Variants in GRIN2A observed in about 807,000 individuals in gnomAD.
GRIN2A encodes glutamate ionotropic receptor NMDA type subunit 2A.
In GRIN2A, 22 loss-of-function variants were observed where a neutral mutation model predicts 113.4. That is an observed-to-expected ratio of 0.19 (90% CI 0.14 to 0.28). The LOEUF (loss-of-function observed/expected upper bound fraction) is 0.28. Ranked by LOEUF, GRIN2A falls within the 10% of genes least tolerant of loss-of-function variation. The pLI is 1.00. For missense variants in GRIN2A, 1,502 were observed against 1,887.0 expected (o/e 0.80, Z 3.78); for synonymous variants, 827 against 738.4 (o/e 1.12, Z -1.94).
chr16:9,991,740 G>T (rs2046117218), intron 2 of GRIN2A, among the ~76,000 whole-genome samples: 1 of 152,182 alleles, frequency 6.6e-6, no homozygotes, highest in Non-Finnish European at 1.5e-5. Flanking sequence ...ACAAGTTCAT[G>T]TCCTTCGCAG....
chr16:9,840,813 CAAAAAAAAAAAA>C lies in GRIN2A; in HGVS notation c.1498-25_1498-14del, dbSNP rs745951746. 9 of 1,081,298 alleles carry C rather than the reference CAAAAAAAAAAAA, an allele frequency of 8.3e-6. No homozygotes were observed. Among genetic ancestry groups the C allele is most frequent in the Non-Finnish European group, 9.8e-6 (8 of 816,182 alleles). The allele number at this position is 1,081,298 out of a possible 1,614,324, so 67.0% of individuals were successfully genotyped here. A position where few individuals can be genotyped will look rare whatever the true frequency, so the allele number is the denominator to read the frequency against. On this transcript the variant is annotated splice_polypyrimidine_tract_variant and intron_variant, in intron 6 of 12. Transcript: ENST00000330684. ...GTTGATAGACCACCTGGATGCAAGGCAAAAAAAAAAAAAAAAAAAAGAGAGAGAGAGAACAAC... is the reference window on the plus strand; with the variant it reads ...GTTGATAGACCACCTGGATGCAAGGCAAAAAAAAGAGAGAGAGAGAACAAC...
chr16:10,096,237 G>A (rs921320814), intron 2 of GRIN2A, among the ~76,000 whole-genome samples: 1 of 151,966 alleles, frequency 6.6e-6, no homozygotes, highest in African/African-American at 2.4e-5. Context: ...CAGCCCCTAC[G>A]GGACTCAGAG....
At chr16:9,804,524 G>C (rs2041927694) in intron 10 of GRIN2A, among the ~76,000 whole-genome samples, 1 of 151,986 alleles carries the variant, frequency 6.6e-6, no homozygotes, top group Non-Finnish European at 1.5e-5. Flanking sequence ...TCTCCCACTG[G>C]GCAGGAGGAC....
chr16:9,885,922 A>C (rs930681241), intron 4 of GRIN2A, among the ~76,000 whole-genome samples: 1 of 152,224 alleles, frequency 6.6e-6, no homozygotes, highest in Non-Finnish European at 1.5e-5. Flanking sequence ...TTTATGGGAA[A>C]TTGCTATGTT....
At chr16:10,116,753 C>G (rs1359347009) in intron 2 of GRIN2A, among the ~76,000 whole-genome samples, 1 of 152,172 alleles carries the variant, frequency 6.6e-6, no homozygotes, top group East Asian at 1.9e-4. Context: ...TAGGACACAC[C>G]TCATTACTGT....
At chr16:9,906,413 T>A (rs2044028811) in intron 3 of GRIN2A, among the ~76,000 whole-genome samples, 1 of 152,208 alleles carries the variant, frequency 6.6e-6, no homozygotes, top group Non-Finnish European at 1.5e-5. Flanking sequence ...GTCATAGCTG[T>A]TGTTTCTGGT....
intron 2 of GRIN2A, among the ~76,000 whole-genome samples, chr16:10,160,781 T>C (rs1023445581): frequency 6.6e-6 from 1 of 152,226 alleles, no homozygotes; most frequent in African/African-American, 2.4e-5. Flanking sequence ...TCACTGTTAA[T>C]TTGCTCTTCC....
intron 4 of GRIN2A, among the ~76,000 whole-genome samples, chr16:9,861,338 C>G (rs1411518987): frequency 2.6e-5 from 4 of 152,156 alleles, no homozygotes; most frequent in African/African-American, 9.7e-5. Flanking sequence ...AATATAAAGT[C>G]TGCCAAAGGA....
At chr16:9,773,764 G>A (rs112552365) in intron 11 of GRIN2A, among the ~76,000 whole-genome samples, 1 of 152,158 alleles carries the variant, frequency 6.6e-6, no homozygotes, top group Non-Finnish European at 1.5e-5. Flanking sequence ...GTTTTCAGGG[G>A]AGATGTTTCC....
intron 2 of GRIN2A, among the ~76,000 whole-genome samples, chr16:9,968,378 A>G (rs1567206552): frequency 6.6e-6 from 1 of 152,178 alleles, no homozygotes; most frequent in Non-Finnish European, 1.5e-5. Flanking sequence ...CAATGGTACG[A>G]TCTTGGCTCA....
intron 2 of GRIN2A, among the ~76,000 whole-genome samples, chr16:10,157,797 C>T (rs2049730573): frequency 6.6e-6 from 1 of 152,148 alleles, no homozygotes; most frequent in Non-Finnish European, 1.5e-5. Flanking sequence ...ATATCATATG[C>T]TAAGTGAGAC....
At chr16:10,062,192 G>C (rs1200615243) in intron 2 of GRIN2A, among the ~76,000 whole-genome samples, 1 of 152,134 alleles carries the variant, frequency 6.6e-6, no homozygotes, top group African/African-American at 2.4e-5. Flanking sequence ...CCTAAGGCAG[G>C]AGTTGATAAG....
rs746299808 is a variant in GRIN2A at position 9,760,358 on chromosome 16, A to G, written c.*2791T>C. On this transcript the variant is annotated 3_prime_UTR_variant, in exon 13 of 13. Coordinates refer to ENST00000330684, the MANE Select transcript of GRIN2A (RefSeq NM_001134407.3). ...TACATCTTTTCCTTAGAAATTGACC[A>G]TCTGATCAGTAGTTGATTTTTTTTT... 3.4e-5 allele frequency: 6 copies of G among 174,924 alleles called. No individual in the cohort carries two copies. Among genetic ancestry groups the G allele is most frequent in the Non-Finnish European group, 6.6e-5 (6 of 90,376 alleles). The allele number at this position is 174,924 out of a possible 1,614,324, so 10.8% of individuals were successfully genotyped here.
intron 2 of GRIN2A, among the ~76,000 whole-genome samples, chr16:10,058,372 A>T (rs1202781240): frequency 6.6e-6 from 1 of 152,242 alleles, no homozygotes; most frequent in Non-Finnish European, 1.5e-5. Context: ...AGTCATAATG[A>T]TGTTTTAAAA....
At chr16:9,868,906 T>C (rs768986178) in intron 4 of GRIN2A, among the ~76,000 whole-genome samples, 7 of 152,168 alleles carry the variant, frequency 4.6e-5, no homozygotes, top group Non-Finnish European at 7.4e-5. Flanking sequence ...GGCACTCTCC[T>C]ATGTGTCCTT....
intron 2 of GRIN2A, among the ~76,000 whole-genome samples, chr16:10,158,749 A>G (rs547320387): frequency 3.9e-5 from 6 of 152,298 alleles, no homozygotes; most frequent in Non-Finnish European, 7.4e-5. Context: ...AAAGGTTTCC[A>G]GGAGCTGGAG....
chr16:9,787,097 C>G (rs2141197983), intron 11 of GRIN2A, among the ~76,000 whole-genome samples: 1 of 152,274 alleles, frequency 6.6e-6, no homozygotes, highest in South Asian at 2.1e-4. Flanking sequence ...AAATGGCCTG[C>G]AAAGCCATTC....
chr16:9,929,676 G>GT (rs142190072), intron 3 of GRIN2A, among the ~76,000 whole-genome samples: 1,874 of 151,826 alleles, frequency 0.012, 41 homozygotes, highest in African/African-American at 0.043. Context: ...AATTTGCTTT[G>GT]TTTTTTCACA....
intron 10 of GRIN2A, among the ~76,000 whole-genome samples, chr16:9,798,960 T>C (rs897559060): frequency 2.0e-5 from 3 of 152,332 alleles, no homozygotes; most frequent in Admixed American, 1.3e-4. Context: ...CCAAATAATA[T>C]AGAAAAGTAT....
Sources: allele counts gnomAD v4.1 joint callset (sites outside exome capture counted in the v4.1 genomes callset), GRCh38; gene constraint gnomAD v4.1.1; transcripts MANE v1.5; gene names NCBI Gene and HGNC (gene_info 2026-07-23, HGNC 2026-07-21).